The following OPCML variants were observed in gnomAD, a reference collection of about 807,000 sequenced individuals.
OPCML encodes opioid binding protein/cell adhesion molecule like, also known as opioid-binding protein/cell adhesion molecule.
In OPCML, 13 loss-of-function variants were observed where a neutral mutation model predicts 37.8. The observed-to-expected ratio is 0.34, with a 90% CI of 0.22 to 0.55. The LOEUF is 0.55. OPCML is among the 20% of genes least tolerant of loss of function. OPCML has a pLI of 0.91. For synonymous variants in OPCML, 176 were observed against 168.8 expected (o/e 1.04, Z -0.33); for missense variants, 341 against 435.6 (o/e 0.78, Z 1.93).
intron 2 of OPCML, among the ~76,000 whole-genome samples, chr11:132,908,110 G>T (rs181576817): frequency 6.6e-6 from 1 of 152,292 alleles, no homozygotes; most frequent in African/African-American, 2.4e-5. Flanking sequence ...ACCTCTAGGA[G>T]ACAACAAAAC....
intron 2 of OPCML, among the ~76,000 whole-genome samples, chr11:132,692,971 C>T (rs1207194226): frequency 6.6e-6 from 1 of 152,218 alleles, no homozygotes; most frequent in African/African-American, 2.4e-5. Flanking sequence ...AAACTCCCAA[C>T]TTCATAGTAC....
At chr11:132,731,500 T>A (rs1017292546) in intron 2 of OPCML, among the ~76,000 whole-genome samples, 1 of 152,202 alleles carries the variant, frequency 6.6e-6, no homozygotes, top group Non-Finnish European at 1.5e-5. Context: ...TGATCAAAAG[T>A]TGAGTTATGT....
intron 2 of OPCML, among the ~76,000 whole-genome samples, chr11:132,821,533 T>C (rs1939985497): frequency 6.6e-6 from 1 of 152,156 alleles, no homozygotes; most frequent in African/African-American, 2.4e-5. Context: ...GACTGGAAAA[T>C]TATCCGCTTG....
chr11:133,440,448 TG>T (rs1354512035), intron 1 of OPCML, among the ~76,000 whole-genome samples: 2 of 147,986 alleles, frequency 1.4e-5, no homozygotes, highest in Non-Finnish European at 3.0e-5. Context: ...AACATTTGGC[TG>T]GGTGTGGTGG....
chr11:133,499,633 T>A (rs1244986442), intron 1 of OPCML, among the ~76,000 whole-genome samples: 1 of 151,768 alleles, frequency 6.6e-6, no homozygotes, highest in Non-Finnish European at 1.5e-5. Flanking sequence ...AGAGAATATC[T>A]CACAGCCTGG....
chr11:132,639,671 C>T (rs1940734125), intron 3 of OPCML, among the ~76,000 whole-genome samples: 1 of 152,176 alleles, frequency 6.6e-6, no homozygotes, highest in Admixed American at 6.5e-5. Context: ...GGCCCTCAGG[C>T]CTTCCAAAGA....
chr11:132,632,602 G>A (rs995375404), intron 3 of OPCML, among the ~76,000 whole-genome samples: 3 of 152,080 alleles, frequency 2.0e-5, no homozygotes, highest in African/African-American at 7.2e-5. Context: ...CAGAGGAGTC[G>A]CTTCCTGAGT....
intron 2 of OPCML, among the ~76,000 whole-genome samples, chr11:132,839,879 G>A (rs1448786408): frequency 6.6e-6 from 1 of 152,194 alleles, no homozygotes; most frequent in African/African-American, 2.4e-5. Context: ...CTGCCTGAGT[G>A]GAGGGTTTCT....
chr11:133,039,556 A>G (rs1414618081), intron 1 of OPCML, among the ~76,000 whole-genome samples: 1 of 152,012 alleles, frequency 6.6e-6, no homozygotes, highest in Non-Finnish European at 1.5e-5. Flanking sequence ...ACCCATGAAC[A>G]GGGGGTGGAT....
chr11:133,237,230 G>A (rs1356531662), intron 1 of OPCML, among the ~76,000 whole-genome samples: 1 of 152,200 alleles, frequency 6.6e-6, no homozygotes, highest in Non-Finnish European at 1.5e-5. Context: ...CATTTAGAAA[G>A]GTTGTGCTTC....
chr11:132,676,755 T>C (rs972412735), intron 2 of OPCML, among the ~76,000 whole-genome samples: 25 of 79,130 alleles, frequency 3.2e-4, no homozygotes, highest in African/African-American at 1.2e-3. Context: ...AGAGCAGCTA[T>C]AATAAGAAAA....
Position 132,420,002 on chromosome 11 carries a change from C to A in OPCML, c.*191G>T. The A allele has an allele frequency of 2.7e-6, 1 of 367,460 alleles. No homozygotes were observed. The highest frequency in any genetic ancestry group is 5.2e-6 in the Non-Finnish European group (1 of 190,538). The allele number at this position is 367,460 out of a possible 1,614,324, so 22.8% of individuals were successfully genotyped here. A position where few individuals can be genotyped will look rare whatever the true frequency, so the allele number is the denominator to read the frequency against. ...CTACACGTGGTAGAACCCTGCCCAC[C>A]CCGCCCCCAACCCCACTCATTCAAG... is the stretch of plus-strand genomic sequence containing the variant. On this transcript the variant is annotated 3_prime_UTR_variant, in exon 8 of 8. Transcript: ENST00000524381.
chr11:132,549,492 A>G (rs1016126494), intron 3 of OPCML, among the ~76,000 whole-genome samples: 1 of 152,350 alleles, frequency 6.6e-6, no homozygotes, highest in African/African-American at 2.4e-5. Context: ...TTACATTCGT[A>G]ATACACTTAC....
At chr11:132,697,346 T>C (rs1306277240) in intron 2 of OPCML, among the ~76,000 whole-genome samples, 2 of 152,200 alleles carry the variant, frequency 1.3e-5, no homozygotes, top group Non-Finnish European at 2.9e-5. Context: ...TATTATTAAC[T>C]ACAGTCACAG....
At chr11:133,106,544 T>C (rs980336998) in intron 1 of OPCML, among the ~76,000 whole-genome samples, 5 of 152,180 alleles carry the variant, frequency 3.3e-5, no homozygotes, top group African/African-American at 1.2e-4. Flanking sequence ...ACTACATAAT[T>C]GTGTATATGG....
intron 1 of OPCML, among the ~76,000 whole-genome samples, chr11:133,047,049 G>A (rs894562858): frequency 6.6e-6 from 1 of 152,146 alleles, no homozygotes; most frequent in Non-Finnish European, 1.5e-5. Flanking sequence ...CAGAGCTGTG[G>A]GTCAGACCTG....
rs115887534 is a variant in OPCML at position 132,987,039 on chromosome 11, T to A, written c.62-44029A>T. Among the ~76,000 whole-genome samples, 602 of 152,254 alleles carry A rather than the reference T, an allele frequency of 4.0e-3. 5 individuals are homozygous for A. Among genetic ancestry groups the A allele is most frequent in the African/African-American group, 0.014 (565 of 41,564 alleles). Reference sequence around the variant, plus strand: ...TTCAAGACGGGTTTCTAACTCTTCCTACCCTAAGTAACCATGTGATCCATC... The same window carrying A: ...TTCAAGACGGGTTTCTAACTCTTCCAACCCTAAGTAACCATGTGATCCATC... On this transcript the variant is annotated intron_variant, in intron 1 of 7. Coordinates refer to ENST00000524381, the MANE Select transcript of OPCML (RefSeq NM_001012393.5).
At position 133,391,678 on chromosome 11, in the gene OPCML, A is replaced by G. The variant is rs530281054; in HGVS notation, c.61+140586T>C. Reference sequence around the variant, plus strand: ...CCTAGAAGCTACAGAATGCATTACAAGGCACTCTCAGAAAAGCAATGTTAC... The same window carrying G: ...CCTAGAAGCTACAGAATGCATTACAGGGCACTCTCAGAAAAGCAATGTTAC... On this transcript the variant is annotated intron_variant, in intron 1 of 7. Transcript: ENST00000524381. Among the ~76,000 whole-genome samples, 7 of 152,358 alleles carry G rather than the reference A, an allele frequency of 4.6e-5. No individual in the cohort carries two copies. The South Asian group carries it at 1.4e-3, about 32-fold the overall frequency.
chr11:133,532,381 C>A lies in OPCML; in HGVS notation c.-57G>T, dbSNP rs1591607327. ...TTGCTACTGCTTCTGCTGCTGCTAC[C>A]GCTGCTGCCTTCCTCTGTGCTGAAT... On this transcript the variant is annotated 5_prime_UTR_variant, in exon 1 of 8. Coordinates refer to ENST00000524381, the MANE Select transcript of OPCML (RefSeq NM_001012393.5). The A allele has an allele frequency of 6.4e-7, 1 of 1,569,674 alleles. No homozygotes were observed. Among genetic ancestry groups the A allele is most frequent in the African/African-American group, 1.4e-5 (1 of 73,850 alleles).
Sources: allele counts gnomAD v4.1 joint callset (sites outside exome capture counted in the v4.1 genomes callset), GRCh38; gene constraint gnomAD v4.1.1; transcripts MANE v1.5; gene names NCBI Gene and HGNC (gene_info 2026-07-23, HGNC 2026-07-21).